GLI3: variants seen among roughly 807,000 people sequenced by gnomAD.
The protein encoded by GLI3 is GLI family zinc finger 3.
A neutral mutation model predicts 100.8 loss-of-function variants in GLI3; 20 were observed. That is an observed-to-expected ratio of 0.20 (90% CI 0.14 to 0.29). The LOEUF (loss-of-function observed/expected upper bound fraction) is 0.29, where lower values mean the gene tolerates loss of function less well. Among genes scored for constraint, GLI3 ranks in the 10% least tolerant of loss-of-function variants. The pLI is 1.00. For missense variants in GLI3, 2,040 were observed against 2,128.5 expected (o/e 0.96, Z 0.82); for synonymous variants, 938 against 860.5 (o/e 1.09, Z -1.58).
rs74584997 is a variant in GLI3, at chr7:42,079,654, C to T, written c.368-2797G>A. Reference sequence around the variant, plus strand: ...CCATCTCCTCAGGGCATCGCACATGCACCAGTTTATGCGGCTGTTTTGAGG... The same window carrying T: ...CCATCTCCTCAGGGCATCGCACATGTACCAGTTTATGCGGCTGTTTTGAGG... On this transcript the variant is annotated intron_variant, in intron 3 of 14. Transcript: ENST00000395925. Among the ~76,000 whole-genome samples the T allele has an allele frequency of 2.1e-3, 325 of 152,304 alleles. 1 individual carries two copies. Among genetic ancestry groups the T allele is most frequent in the African/African-American group, 7.4e-3 (308 of 41,570 alleles).
chr7:42,158,937 A>C (rs1469404345), intron 2 of GLI3, among the ~76,000 whole-genome samples: 2 of 152,176 alleles, frequency 1.3e-5, no homozygotes, highest in Admixed American at 6.5e-5. Context: ...AACTTCTTCG[A>C]ATTTCTCATT....
chr7:42,057,350 T>C (rs1008516615), intron 4 of GLI3, among the ~76,000 whole-genome samples: 8 of 152,206 alleles, frequency 5.3e-5, no homozygotes, highest in Non-Finnish European at 1.0e-4. Context: ...TGACAAGTGT[T>C]GATGAGGATT....
At chr7:42,133,643 G>GAA (rs11400220) in intron 3 of GLI3, among the ~76,000 whole-genome samples, 2,270 of 140,202 alleles carry the variant, frequency 0.016, 28 homozygotes, top group African/African-American at 0.031. Context: ...GAAAGCAGCA[G>GAA]AAAAAAAAAA....
At chr7:42,004,151 G>A (rs1261476364) in intron 10 of GLI3, among the ~76,000 whole-genome samples, 1 of 152,072 alleles carries the variant, frequency 6.6e-6, no homozygotes, top group African/African-American at 2.4e-5. Context: ...TATGTTAACT[G>A]AACAGTAAAG....
At position 41,961,220 on chromosome 7, in the gene GLI3, C is replaced by T. The variant is rs1312916932; in HGVS notation, c.*3110G>A. The T allele has an allele frequency of 1.3e-5, 2 of 152,526 alleles. No individual in the cohort carries two copies. Among genetic ancestry groups the T allele is most frequent in the South Asian group, 4.2e-4 (2 of 4,818 alleles). 9.4% of individuals were successfully genotyped at this position (152,526 alleles called of 1,614,324 possible). ...TACACATTTTATTTTTTAAAAAAAT[C>T]TAAAAAAGGTGAAAAAAATGAACTT... On this transcript the variant is annotated 3_prime_UTR_variant, in exon 15 of 15. Transcript: ENST00000395925.
intron 2 of GLI3, among the ~76,000 whole-genome samples, chr7:42,178,387 G>A (rs955365862): frequency 2.6e-5 from 4 of 152,118 alleles, no homozygotes; most frequent in Admixed American, 6.5e-5. Context: ...TGACCAGGAC[G>A]GCAGATACCA....
chr7:42,042,181 T>G (rs891908627), intron 6 of GLI3, among the ~76,000 whole-genome samples: 2 of 151,788 alleles, frequency 1.3e-5, no homozygotes, highest in African/African-American at 2.4e-5. Flanking sequence ...CCCGGATAAT[T>G]TTTTTTTATT....
In GLI3 at chr7:42,186,095, C is replaced by T. The variant is rs563382273; in HGVS notation, c.124+37035G>A. Among the ~76,000 whole-genome samples the T allele has an allele frequency of 6.6e-5, 10 of 152,228 alleles. No individual in the cohort carries two copies. In the South Asian group the frequency reaches 1.7e-3, roughly 25 times the overall value. The stretch of plus-strand genomic sequence containing the variant: ...GGCTCAGCATATGAGAACCAAATAG[C>T]GAACTTACCATGGGCTTATGCTGCA... On this transcript the variant is annotated intron_variant, in intron 2 of 14. Transcript: ENST00000395925.
chr7:41,980,272 G>A (rs2128713466), intron 10 of GLI3, among the ~76,000 whole-genome samples: 1 of 152,320 alleles, frequency 6.6e-6, no homozygotes, highest in South Asian at 2.1e-4. Context: ...CTCCATGTCA[G>A]TGTTTCTTTA....
intron 1 of GLI3, among the ~76,000 whole-genome samples, chr7:42,245,682 A>G (rs930282917): frequency 6.8e-6 from 1 of 146,320 alleles, no homozygotes; most frequent in South Asian, 2.2e-4. Flanking sequence ...CTCTGTCTCA[A>G]AAAACAAAAA....
chr7:42,175,238 C>T (rs375983324), intron 2 of GLI3, among the ~76,000 whole-genome samples: 1 of 152,162 alleles, frequency 6.6e-6, no homozygotes, highest in African/African-American at 2.4e-5. Flanking sequence ...GGCCAGTCCC[C>T]CCGAAATGCT....
chr7:42,179,492 A>G (rs1787548454), intron 2 of GLI3, among the ~76,000 whole-genome samples: 1 of 152,116 alleles, frequency 6.6e-6, no homozygotes, highest in Non-Finnish European at 1.5e-5. Context: ...TCCAACTTAT[A>G]TTTGTAAAGG....
At chr7:42,098,908 C>T (rs1038570849) in intron 3 of GLI3, among the ~76,000 whole-genome samples, 1 of 152,128 alleles carries the variant, frequency 6.6e-6, no homozygotes, top group Admixed American at 6.5e-5. Context: ...GGCTGAAATA[C>T]ATAAGCTTGC....
At chr7:42,105,246 A>C (rs1216235799) in intron 3 of GLI3, among the ~76,000 whole-genome samples, 1 of 152,132 alleles carries the variant, frequency 6.6e-6, no homozygotes. Flanking sequence ...ACTTGGCTTG[A>C]TGTGGACTGA....
intron 3 of GLI3, among the ~76,000 whole-genome samples, chr7:42,079,666 C>T (rs779247419): frequency 1.9e-4 from 29 of 152,160 alleles, no homozygotes; most frequent in Non-Finnish European, 2.5e-4. Flanking sequence ...CCAGTTTATG[C>T]GGCTGTTTTG....
chr7:42,226,381 T>G (rs1177028752), intron 1 of GLI3, among the ~76,000 whole-genome samples: 1 of 152,048 alleles, frequency 6.6e-6, no homozygotes, highest in African/African-American at 2.4e-5. Flanking sequence ...TTTTGTGGAG[T>G]TGTTGGTTTT....
Position 41,966,082 on chromosome 7 carries a change from C to A in GLI3, c.2991G>T (p.Ala997=), listed in dbSNP as rs769210797. 4 of 1,567,990 alleles carry A rather than the reference C, an allele frequency of 2.6e-6. No homozygotes were observed. In the African/African-American group the frequency reaches 4.1e-5, roughly 16 times the overall value. The change falls in exon 15 of 15, where the codon GCG becomes GCT. Residue 997 remains alanine (A), a synonymous_variant. Transcript: ENST00000395925. The surrounding 1 kb of genome is among the most constrained non-coding windows in gnomAD (Gnocchi z 5.8). ...TGGCCCTCCTCACGCCGTGGCCCGGCGCATCGTGCGGCTGCAGGTGGCGCC... is the reference window on the plus strand; with the variant it reads ...TGGCCCTCCTCACGCCGTGGCCCGGAGCATCGTGCGGCTGCAGGTGGCGCC... The part of the protein sequence containing the change: ...YGRRHLQPHD[A]PGHGVRRASD...
At chr7:42,178,097 T>G (rs934100239) in intron 2 of GLI3, among the ~76,000 whole-genome samples, 2 of 152,232 alleles carry the variant, frequency 1.3e-5, no homozygotes, top group African/African-American at 4.8e-5. Context: ...GTGAATGTGC[T>G]GCCTCTGGGC....
At chr7:42,001,152 G>A (rs1219254081) in intron 10 of GLI3, among the ~76,000 whole-genome samples, 2 of 149,474 alleles carry the variant, frequency 1.3e-5, no homozygotes, top group East Asian at 4.0e-4. Flanking sequence ...GGCTGAGGCA[G>A]GAGAATCATT....
Sources: gnomAD v4.1 joint callset for allele counts (sites outside exome capture counted in the v4.1 genomes callset) on GRCh38, gnomAD v4.1.1 for gene constraint, Gnocchi (gnomAD v3.1) non-coding constraint, MANE v1.5 for transcripts, NCBI Gene and HGNC (gene_info 2026-07-23, HGNC 2026-07-21) for gene names.